The following YWHAZ variants were observed in gnomAD, a reference collection of about 807,000 sequenced individuals.
YWHAZ encodes 14-3-3 protein zeta/delta.
For missense variants in YWHAZ, 79 were observed against 284.8 expected (o/e 0.28, Z 5.20); for synonymous variants, 87 against 103.6 (o/e 0.84, Z 0.97).
intron 1 of YWHAZ, chr8:100,950,543 C>G: frequency 1.0e-6 from 1 of 985,528 alleles, no homozygotes; most frequent in Non-Finnish European, 1.2e-6. Flanking sequence ...GTCCCCGACT[C>G]TCCTCCTTTG....
At chr8:100,950,669 A>AG in intron 1 of YWHAZ, 1 of 830,042 alleles carries the variant, frequency 1.2e-6, no homozygotes, top group Non-Finnish European at 1.4e-6. Context: ...GGGGGGGGGG[A>AG]GAGATGGGGA....
At chr8:100,935,395 T>C (rs1348831552) in intron 2 of YWHAZ, among the ~76,000 whole-genome samples, 1 of 152,178 alleles carries the variant, frequency 6.6e-6, no homozygotes, top group Non-Finnish European at 1.5e-5. Context: ...GTCTTCATCA[T>C]CAAGAGTGTA....
rs145736453 is a variant in YWHAZ, at chr8:100,936,603, T to C, written c.295-11564A>G. Among the ~76,000 whole-genome samples the C allele has an allele frequency of 9.9e-3, 1,504 of 152,134 alleles. 21 individuals are homozygous for C. Among genetic ancestry groups the C allele is most frequent in the African/African-American group, 0.032 (1,317 of 41,504 alleles). ...ATCACTTGAGGTCAGGAGTTTGAGA[T>C]CAGCCTGGCCAACATGGTGAAACCC... is the stretch of plus-strand genomic sequence containing the variant. On this transcript the variant is annotated intron_variant, in intron 2 of 5. Transcript: ENST00000395958.
chr8:100,937,381 T>G (rs993485276), intron 2 of YWHAZ, among the ~76,000 whole-genome samples: 1 of 152,036 alleles, frequency 6.6e-6, no homozygotes, highest in Non-Finnish European at 1.5e-5. Flanking sequence ...AAGAAAAATA[T>G]GTGGGGTGGA....
At chr8:100,941,431 A>C (rs936325819) in intron 2 of YWHAZ, among the ~76,000 whole-genome samples, 1 of 152,218 alleles carries the variant, frequency 6.6e-6, no homozygotes, top group Non-Finnish European at 1.5e-5. Context: ...GTATAACGCT[A>C]ATTTTTAAAA....
At chr8:100,941,830 T>G (rs963509143) in intron 2 of YWHAZ, among the ~76,000 whole-genome samples, 18 of 150,306 alleles carry the variant, frequency 1.2e-4, no homozygotes, top group Middle Eastern at 6.8e-3. Flanking sequence ...AAAAAACATC[T>G]CTAACTTCCC....
At chr8:100,926,367 G>A (rs894672376) in intron 2 of YWHAZ, among the ~76,000 whole-genome samples, 5 of 152,190 alleles carry the variant, frequency 3.3e-5, no homozygotes, top group Non-Finnish European at 2.9e-5. Flanking sequence ...GCCTGAGGCC[G>A]GGCACAGTGG....
intron 2 of YWHAZ, among the ~76,000 whole-genome samples, chr8:100,935,881 A>G (rs1814114017): frequency 6.6e-6 from 1 of 152,202 alleles, no homozygotes; most frequent in South Asian, 2.1e-4. Context: ...AATGCCAGGA[A>G]ATCTCCTCTA....
At chr8:100,947,556 C>T (rs1202932523) in intron 2 of YWHAZ, among the ~76,000 whole-genome samples, 14 of 152,160 alleles carry the variant, frequency 9.2e-5, no homozygotes, top group African/African-American at 2.7e-4. Context: ...GGAACTGATG[C>T]TATTCCATTA....
chr8:100,926,103 G>GA (rs1177280924), intron 2 of YWHAZ, among the ~76,000 whole-genome samples: 2 of 151,608 alleles, frequency 1.3e-5, no homozygotes, highest in African/African-American at 4.8e-5. Context: ...ATATAAATTT[G>GA]AAAAATGCTT....
Position 100,920,044 on chromosome 8 carries a change from A to G in YWHAZ, c.*649T>C, listed in dbSNP as rs2130072368. On this transcript the variant is annotated 3_prime_UTR_variant, in exon 6 of 6. Coordinates refer to ENST00000395958, the MANE Select transcript of YWHAZ (RefSeq NM_145690.3). ...GCCTAAAACATTTAAATACAAATAA[A>G]ATGAGTGTAGCAAAAATAATGAAAG... 2 of 152,774 alleles carry G rather than the reference A, an allele frequency of 1.3e-5. No homozygotes were observed. Among genetic ancestry groups the G allele is most frequent in the South Asian group, 4.1e-4 (2 of 4,826 alleles). 9.5% of individuals were successfully genotyped at this position (152,774 alleles called of 1,614,324 possible). A position where few individuals can be genotyped will look rare whatever the true frequency, so the allele number is the denominator to read the frequency against.
chr8:100,949,248 CACT>C (rs1323717814), intron 1 of YWHAZ, among the ~76,000 whole-genome samples: 4 of 152,164 alleles, frequency 2.6e-5, no homozygotes, highest in Non-Finnish European at 5.9e-5. Context: ...TTTCCAATAC[CACT>C]AAGTGATCCA....
At chr8:100,934,249 CTT>C (rs2130221800) in intron 2 of YWHAZ, among the ~76,000 whole-genome samples, 1 of 148,938 alleles carries the variant, frequency 6.7e-6, no homozygotes, top group East Asian at 2.0e-4. Flanking sequence ...GGGAGGATCA[CTT>C]GAGCACAGGA....
intron 2 of YWHAZ, among the ~76,000 whole-genome samples, chr8:100,933,321 T>C (rs535879170): frequency 4.6e-4 from 70 of 151,058 alleles, no homozygotes; most frequent in African/African-American, 1.7e-3. Context: ...ATTGTGCCAC[T>C]GCACTCCAGC....
intron 2 of YWHAZ, among the ~76,000 whole-genome samples, chr8:100,937,116 GTTA>G (rs1470696931): frequency 2.0e-5 from 3 of 152,046 alleles, no homozygotes; most frequent in Non-Finnish European, 4.4e-5. Flanking sequence ...TTATACTGTA[GTTA>G]TTAACATGTG....
At chr8:100,940,226 C>A (rs1023331654) in intron 2 of YWHAZ, among the ~76,000 whole-genome samples, 4 of 152,174 alleles carry the variant, frequency 2.6e-5, no homozygotes, top group African/African-American at 9.7e-5. Context: ...AAGTTTCTCA[C>A]AAACCAAGGC....
chr8:100,924,436 C>T lies in YWHAZ; in HGVS notation c.419-138G>A. 1.5e-6 allele frequency: 1 copy of T among 681,282 alleles called. No homozygotes were observed. Among genetic ancestry groups the T allele is most frequent in the South Asian group, 2.7e-5 (1 of 37,614 alleles). 42.2% of individuals were successfully genotyped at this position (681,282 alleles called of 1,614,324 possible). A position where few individuals can be genotyped will look rare whatever the true frequency, so the allele number is the denominator to read the frequency against. On this transcript the variant is annotated intron_variant, in intron 3 of 5. Coordinates refer to ENST00000395958, the MANE Select transcript of YWHAZ (RefSeq NM_145690.3). The surrounding 1 kb of genome is among the most constrained non-coding windows in gnomAD (Gnocchi z 5.7). ...TAATATTTGTTAATTGAACAAGGTCCTTTTTTTTTTTTAAAGGGAGCTTTC... is the reference window on the plus strand; with the variant it reads ...TAATATTTGTTAATTGAACAAGGTCTTTTTTTTTTTTTAAAGGGAGCTTTC...
At chr8:100,946,570 A>T (rs771541580) in intron 2 of YWHAZ, among the ~76,000 whole-genome samples, 2 of 152,062 alleles carry the variant, frequency 1.3e-5, no homozygotes, top group Non-Finnish European at 2.9e-5. Context: ...CAAACAAACA[A>T]ACATACACAA....
chr8:100,939,810 AGG>A (rs1814492753), intron 2 of YWHAZ, among the ~76,000 whole-genome samples: 5 of 152,190 alleles, frequency 3.3e-5, no homozygotes, highest in African/African-American at 1.2e-4. Context: ...TCACGAGGTT[AGG>A]AGATCGAGAC....
Sources: gnomAD v4.1 joint callset for allele counts (sites outside exome capture counted in the v4.1 genomes callset) on GRCh38, gnomAD v4.1.1 for gene constraint, Gnocchi (gnomAD v3.1) non-coding constraint, MANE v1.5 for transcripts, NCBI Gene and HGNC (gene_info 2026-07-23, HGNC 2026-07-21) for gene names.